SCN11A: variants seen among roughly 807,000 people sequenced by gnomAD.
SCN11A encodes sodium channel protein type 11 subunit alpha.
A neutral mutation model predicts 162.2 loss-of-function variants in SCN11A; 122 were observed. The ratio of observed to expected loss-of-function variants is 0.75; its 90% confidence interval spans 0.65 to 0.87. The LOEUF (loss-of-function observed/expected upper bound fraction) is 0.87. SCN11A is among the 40% of genes least tolerant of loss of function. SCN11A has a pLI of 0.00. For synonymous variants in SCN11A, 758 were observed against 751.5 expected, an observed-to-expected ratio of 1.01 and a Z score of -0.14; for missense variants, 2,015 against 2,181.6, an observed-to-expected ratio of 0.92 and a Z score of 1.52.
At chr3:38,985,528 C>T (rs2030209877) in intron 2 of SCN11A, among the ~76,000 whole-genome samples, 1 of 150,772 alleles carries the variant, frequency 6.6e-6, no homozygotes, top group Non-Finnish European at 1.5e-5. Context: ...GTGACCATGG[C>T]TTGGGTGTGA....
intron 1 of SCN11A, among the ~76,000 whole-genome samples, chr3:39,048,723 T>A (rs1400557212): frequency 6.6e-6 from 1 of 152,246 alleles, no homozygotes; most frequent in Non-Finnish European, 1.5e-5. Context: ...GAATTGACTA[T>A]GGCTTAAAGT....
chr3:39,024,096 T>C (rs963882357), intron 2 of SCN11A, among the ~76,000 whole-genome samples: 2 of 152,232 alleles, frequency 1.3e-5, no homozygotes, highest in Non-Finnish European at 2.9e-5. Flanking sequence ...GATACTCCTA[T>C]AACAAAAGAC....
At chr3:38,991,461 T>C (rs1183727368) in intron 2 of SCN11A, among the ~76,000 whole-genome samples, 2 of 152,186 alleles carry the variant, frequency 1.3e-5, no homozygotes, top group South Asian at 2.1e-4. Flanking sequence ...ACCTTCCTAC[T>C]CACAACTGTG....
At chr3:38,987,659 T>C (rs1203107906) in intron 2 of SCN11A, among the ~76,000 whole-genome samples, 2 of 152,180 alleles carry the variant, frequency 1.3e-5, no homozygotes, top group Non-Finnish European at 2.9e-5. Context: ...TTCTGGACAC[T>C]GGCACTTCAG....
intron 8 of SCN11A, among the ~76,000 whole-genome samples, chr3:38,925,952 C>T (rs372132284): frequency 2.0e-5 from 3 of 152,152 alleles, no homozygotes; most frequent in African/African-American, 7.2e-5. Flanking sequence ...CTTTCAATAA[C>T]GAAGAGCACA....
In SCN11A at chr3:38,909,135, G is replaced by A. The variant is rs776828545; in HGVS notation, c.1161C>T (p.Gly387=). The A allele has an allele frequency of 3.7e-6, 6 of 1,613,984 alleles. No homozygotes were observed. The Admixed American group carries it at 1.0e-4, about 27-fold the overall frequency. The change falls in exon 13 of 30, where the codon GGC becomes GGT. Residue 387 remains glycine (G), a synonymous_variant. Transcript: ENST00000302328. The part of the protein sequence containing the change: ...VFFFIVVIFL[G]SFYLINLTLA... ...GGGTTAAGTTAATCAGGTAGAAGGA[G>A]CCCAGGAAAATGACCACAATGAAGA...
rs2064667484 is a variant in SCN11A at position 38,846,629 on chromosome 3, A to G, written c.*65T>C. The G allele has an allele frequency of 7.7e-7, 1 of 1,299,312 alleles. No homozygotes were observed. Among genetic ancestry groups the G allele is most frequent in the African/African-American group, 1.5e-5 (1 of 67,712 alleles). 80.5% of individuals were successfully genotyped at this position (1,299,312 alleles called of 1,614,324 possible). On this transcript the variant is annotated 3_prime_UTR_variant, in exon 30 of 30. Coordinates refer to ENST00000302328, the MANE Select transcript of SCN11A (RefSeq NM_001349253.2). Reference sequence around the variant, plus strand: ...TCCCTGTTGATACACTAAGCTGCTGACCCCTGGAGCTCAGAGGCTGAAGGC... The same window carrying G: ...TCCCTGTTGATACACTAAGCTGCTGGCCCCTGGAGCTCAGAGGCTGAAGGC...
At chr3:39,000,245 C>CA (rs2030768949) in intron 2 of SCN11A, among the ~76,000 whole-genome samples, 1 of 152,174 alleles carries the variant, frequency 6.6e-6, no homozygotes, top group South Asian at 2.1e-4. Context: ...TAAGAGCTGA[C>CA]AAGACTTAAA....
chr3:38,871,832 A>C, intron 24 of SCN11A, 124 bp from the exon 25 acceptor site: 1 of 785,050 alleles, frequency 1.3e-6, no homozygotes, highest in Non-Finnish European at 2.0e-6. Context: ...TAATCTCCAC[A>C]TACATGTGCC....
chr3:38,872,074 C>T (rs1375356976), intron 24 of SCN11A, 119 bp downstream of exon 24: 3 of 729,774 alleles, frequency 4.1e-6, no homozygotes, highest in Non-Finnish European at 7.4e-6. Flanking sequence ...ACTGGGCAGG[C>T]TGGGAAGTAA....
chr3:38,988,029 T>A (rs535244863), intron 2 of SCN11A, among the ~76,000 whole-genome samples: 5,339 of 152,258 alleles, frequency 0.035, 245 homozygotes, highest in African/African-American at 0.11. Context: ...ACATAATTTG[T>A]GGCGCCCGGT....
chr3:38,867,164 G>C (rs1041579221), intron 27 of SCN11A, among the ~76,000 whole-genome samples, 157 bp downstream of exon 27: 1 of 152,170 alleles, frequency 6.6e-6, no homozygotes, highest in African/African-American at 2.4e-5. Context: ...CCTCATCTTT[G>C]AGGATCATCT....
At chr3:38,966,336 G>A (rs1445989668) in intron 2 of SCN11A, among the ~76,000 whole-genome samples, 1 of 152,138 alleles carries the variant, frequency 6.6e-6, no homozygotes. Context: ...ATTTGTTAAT[G>A]TCATAGTTCA....
At position 38,946,885 on chromosome 3, in the gene SCN11A, T is replaced by A. The variant is rs147731689; in HGVS notation, c.290A>T (p.Lys97Met). The A allele has an allele frequency of 8.1e-6, 13 of 1,612,418 alleles. No homozygotes were observed. Among genetic ancestry groups the A allele is most frequent in the Non-Finnish European group, 1.1e-5 (13 of 1,179,270 alleles). ...NHKTFMVLNR[K>M]RTIYRFSAKH... ...GGCACTGAAGCGGTAGATTGTCCTC[T>A]TTCTGTTTAACACCATAAATGTCTG... Residue 97 changes from lysine (K) to methionine (M), a missense_variant, in exon 6 of 30, where the codon AAG (lysine) becomes ATG (methionine). Lys to Met is a moderately conservative substitution (Grantham distance 95, BLOSUM62 -1). Transcript: ENST00000302328.
chr3:38,938,811 G>A (rs1028866385), intron 7 of SCN11A, among the ~76,000 whole-genome samples: 5 of 151,292 alleles, frequency 3.3e-5, no homozygotes, highest in Non-Finnish European at 5.9e-5. Context: ...TTATCTGCCC[G>A]CCTCGGCCTC....
chr3:38,903,824 G>T (rs1297869583), intron 16 of SCN11A, 41 bp downstream of exon 16: 2 of 1,403,774 alleles, frequency 1.4e-6, no homozygotes. Flanking sequence ...ATACTTTAAA[G>T]TATGAAATAT....
chr3:38,884,869 A>G (rs759589339), intron 21 of SCN11A, among the ~76,000 whole-genome samples: 1 of 152,374 alleles, frequency 6.6e-6, no homozygotes, highest in East Asian at 1.9e-4. Context: ...CACACAGCTC[A>G]TAAGTGGCAA....
At chr3:38,938,427 C>T (rs551300758) in intron 7 of SCN11A, among the ~76,000 whole-genome samples, 1 of 143,114 alleles carries the variant, frequency 7.0e-6, no homozygotes, top group East Asian at 2.1e-4. Flanking sequence ...ATGAACTAAA[C>T]ATTCAAATTC....
chr3:39,026,838 G>A (rs1406684601), intron 2 of SCN11A, among the ~76,000 whole-genome samples: 2 of 152,152 alleles, frequency 1.3e-5, no homozygotes, highest in African/African-American at 4.8e-5. Flanking sequence ...CAAGGGTGGG[G>A]GATTCTAGTG....
Sources: gnomAD v4.1 joint callset for allele counts (sites outside exome capture counted in the v4.1 genomes callset) on GRCh38, gnomAD v4.1.1 for gene constraint, MANE v1.5 for transcripts, NCBI Gene and HGNC (gene_info 2026-07-23, HGNC 2026-07-21) for gene names.